Variants in SHROOM3 observed in about 807,000 individuals in gnomAD.
The protein encoded by SHROOM3 is shroom family member 3, also known as protein Shroom3.
In SHROOM3, 47 loss-of-function variants were observed where a neutral mutation model predicts 138.6. The ratio of observed to expected loss-of-function variants is 0.34; its 90% CI spans 0.27 to 0.43. The LOEUF is 0.43. SHROOM3 is among the 20% of genes least tolerant of loss of function. SHROOM3 has a pLI of 1.00. For synonymous variants in SHROOM3, 1,062 were observed against 1,063.3 expected (o/e 1.00, Z 0.02); for missense variants, 2,491 against 2,596.5 (o/e 0.96, Z 0.88).
At position 76,720,166 on chromosome 4, in the gene SHROOM3, T is replaced by G. The variant is rs1030282672; in HGVS notation, c.455+9879T>G. Among the ~76,000 whole-genome samples the G allele has an allele frequency of 1.3e-4, 19 of 141,746 alleles. 1 individual carries two copies. The highest frequency in any genetic ancestry group is 4.0e-4 in the African/African-American group (15 of 37,628). The allele number at this position is 141,746 out of a possible 152,430, so 93.0% of individuals were successfully genotyped here. On this transcript the variant is annotated intron_variant, in intron 3 of 10. Coordinates refer to ENST00000296043, the MANE Select transcript of SHROOM3 (RefSeq NM_020859.4). ...TGTTTTTTAGGTTTTTTTTTTTTTT[T>G]TTTTTTTTTTTTTTGTGAATCCAAA...
At chr4:76,615,194 C>T (rs1734847137) in intron 2 of SHROOM3, among the ~76,000 whole-genome samples, 1 of 152,194 alleles carries the variant, frequency 6.6e-6, no homozygotes, top group Non-Finnish European at 1.5e-5. Flanking sequence ...CAACATTTTT[C>T]CCCTTTTCCC....
At chr4:76,760,124 G>A (rs531605652) in intron 9 of SHROOM3, among the ~76,000 whole-genome samples, 3 of 152,276 alleles carry the variant, frequency 2.0e-5, no homozygotes, top group Non-Finnish European at 4.4e-5. Flanking sequence ...TTTTTTTAGG[G>A]AAGGAGGCCA....
intron 1 of SHROOM3, among the ~76,000 whole-genome samples, chr4:76,497,930 T>C (rs1324556752): frequency 6.6e-6 from 1 of 152,182 alleles, no homozygotes; most frequent in African/African-American, 2.4e-5. Context: ...CGTGCATGGC[T>C]GGAGCAGAGC....
At chr4:76,714,770 A>T (rs543498319) in intron 3 of SHROOM3, among the ~76,000 whole-genome samples, 24 of 152,288 alleles carry the variant, frequency 1.6e-4, no homozygotes, top group South Asian at 2.1e-4. Context: ...TAGAATTTTT[A>T]AAAAAGCCTA....
intron 10 of SHROOM3, among the ~76,000 whole-genome samples, chr4:76,774,085 A>C (rs1722463586): frequency 6.6e-6 from 1 of 152,176 alleles, no homozygotes; most frequent in African/African-American, 2.4e-5. Context: ...AAGAGGGGAT[A>C]AATTAGAGAA....
At chr4:76,639,748 T>C (rs918742438) in intron 2 of SHROOM3, 54 of 395,778 alleles carry the variant, frequency 1.4e-4, no homozygotes, top group Non-Finnish European at 2.3e-4. Flanking sequence ...AGCGTTACTC[T>C]TCCTTCCCCC....
intron 4 of SHROOM3, among the ~76,000 whole-genome samples, chr4:76,735,868 A>AAATATATATATATATATAT (rs1553944040): frequency 5.3e-5 from 1 of 18,804 alleles, no homozygotes; most frequent in African/African-American, 2.1e-4. Flanking sequence ...AAAAAAAAAA[A>AAATATATATATATATATAT]ATATATATAT....
intron 1 of SHROOM3, among the ~76,000 whole-genome samples, chr4:76,551,454 T>G (rs1412303636): frequency 1.3e-5 from 2 of 152,316 alleles, no homozygotes; most frequent in East Asian, 3.9e-4. Flanking sequence ...TTTCACAAAC[T>G]GCAACATGAG....
In SHROOM3 at chr4:76,752,891, T is replaced by A. The variant is rs1474871068; in HGVS notation, c.3828-1420T>A. 2.0e-5 allele frequency among the ~76,000 whole-genome samples: 3 copies of A among 152,210 alleles called. No individual in the cohort carries two copies. The East Asian group carries it at 5.8e-4, about 29-fold the overall frequency. Reference sequence around the variant, plus strand: ...AGATATAATAAATAAAATAAAGGCATCTGAATTAGTCGTTAAAACATCAGA... The same window carrying A: ...AGATATAATAAATAAAATAAAGGCAACTGAATTAGTCGTTAAAACATCAGA... On this transcript the variant is annotated intron_variant, in intron 6 of 10. Coordinates refer to ENST00000296043, the MANE Select transcript of SHROOM3 (RefSeq NM_020859.4).
chr4:76,542,696 G>A (rs1232182857), intron 1 of SHROOM3, among the ~76,000 whole-genome samples: 1 of 152,218 alleles, frequency 6.6e-6, no homozygotes, highest in Admixed American at 6.5e-5. Context: ...TGACACCTTG[G>A]TTTTAGGCTA....
intron 3 of SHROOM3, among the ~76,000 whole-genome samples, chr4:76,729,128 G>A (rs951447661): frequency 1.3e-5 from 2 of 152,228 alleles, no homozygotes; most frequent in South Asian, 2.1e-4. Flanking sequence ...ACAAAACTCC[G>A]TCAATAGGTT....
rs1020974066 is a variant in SHROOM3, at chr4:76,624,313, A to G, written c.323+68550A>G. Among the ~76,000 whole-genome samples, 5 of 152,140 alleles carry G rather than the reference A, an allele frequency of 3.3e-5. No homozygotes were observed. The South Asian group carries it at 6.2e-4, about 19-fold the overall frequency. On this transcript the variant is annotated intron_variant, in intron 2 of 10. Transcript: ENST00000296043. ...CTTGCCAATAGAGGTTTTCTTCTGG[A>G]TGCTGTGTCTGCTCTTGGTCTTGTG...
intron 2 of SHROOM3, among the ~76,000 whole-genome samples, chr4:76,661,613 T>C (rs1462214325): frequency 1.3e-5 from 2 of 152,244 alleles, no homozygotes; most frequent in African/African-American, 4.8e-5. Context: ...GCACCTACTG[T>C]TCTGATTTAT....
chr4:76,750,702 G>A (rs1267917139), intron 6 of SHROOM3, among the ~76,000 whole-genome samples: 2 of 152,072 alleles, frequency 1.3e-5, no homozygotes, highest in Admixed American at 1.3e-4. Context: ...AAGGTGACAG[G>A]TGAGGGGGGC....
At chr4:76,561,393 T>C (rs1297054316) in intron 2 of SHROOM3, among the ~76,000 whole-genome samples, 1 of 152,150 alleles carries the variant, frequency 6.6e-6, no homozygotes, top group Non-Finnish European at 1.5e-5. Context: ...AATATGTATA[T>C]GCCAGGCTAT....
intron 10 of SHROOM3, among the ~76,000 whole-genome samples, chr4:76,776,013 A>C (rs1044876980): frequency 6.6e-6 from 1 of 152,088 alleles, no homozygotes; most frequent in African/African-American, 2.4e-5. Context: ...TGCAGGATCA[A>C]ATGATAGATG....
chr4:76,669,304 A>G (rs1718808449), intron 2 of SHROOM3, among the ~76,000 whole-genome samples: 2 of 152,234 alleles, frequency 1.3e-5, no homozygotes, highest in African/African-American at 4.8e-5. Context: ...AGTAGGGATA[A>G]ATTACTCTAA....
rs746589020 is a variant in SHROOM3, at chr4:76,710,128, C to T, written c.324-28C>T. On this transcript the variant is annotated intron_variant, in intron 2 of 10. Coordinates refer to ENST00000296043, the MANE Select transcript of SHROOM3 (RefSeq NM_020859.4). ...TCCTGTCCATGAACACCATCATGCT[C>T]AGCTTCTTCTTTTCCTATTGTTGAC... is the stretch of plus-strand genomic sequence containing the variant. 1.9e-6 allele frequency: 3 copies of T among 1,613,616 alleles called. No individual in the cohort carries two copies. In the East Asian group the frequency reaches 6.7e-5, roughly 36 times the overall value.
In SHROOM3 at chr4:76,741,068, C is replaced by T. The variant is rs1450747906; in HGVS notation, c.2895C>T (p.His965=). Residue 965 remains histidine (H), a synonymous_variant, in exon 5 of 11, where the codon CAC becomes CAT. Coordinates refer to ENST00000296043, the MANE Select transcript of SHROOM3 (RefSeq NM_020859.4). The surrounding 1 kb of genome is among the most constrained non-coding windows in gnomAD (Gnocchi z 6.2). ...RSWRPRPSSA[H]VGLRSPEASA... ...GGCGGCCACGGCCTTCCTCGGCCCA[C>T]GTGGGGCTGCGGAGCCCCGAGGCGT... is the stretch of plus-strand genomic sequence containing the variant. The T allele has an allele frequency of 5.2e-6, 8 of 1,524,550 alleles. No individual in the cohort carries two copies. Among genetic ancestry groups the T allele is most frequent in the Non-Finnish European group, 7.0e-6 (8 of 1,137,944 alleles). 94.4% of individuals were successfully genotyped at this position (1,524,550 alleles called of 1,614,324 possible).
Sources: gnomAD v4.1 joint callset for allele counts (sites outside exome capture counted in the v4.1 genomes callset) on GRCh38, gnomAD v4.1.1 for gene constraint, Gnocchi (gnomAD v3.1) non-coding constraint, MANE v1.5 for transcripts, NCBI Gene and HGNC (gene_info 2026-07-23, HGNC 2026-07-21) for gene names.